Variants in TRAPPC8 observed in about 807,000 individuals in gnomAD.
TRAPPC8 encodes the protein general sporulation gene 1 homolog.
TRAPPC8 carries 54 observed loss-of-function variants against 174.3 expected under a neutral mutation model. The ratio of observed to expected loss-of-function variants is 0.31; its 90% confidence interval spans 0.25 to 0.39. TRAPPC8 has a LOEUF of 0.39. Ranked by LOEUF, TRAPPC8 falls within the 10% of genes least tolerant of loss-of-function variation. The pLI is 1.00. For missense variants in TRAPPC8, 1,531 were observed against 1,699.1 expected (o/e 0.90, Z 1.74); for synonymous variants, 630 against 579.9 (o/e 1.09, Z -1.24).
At chr18:31,877,872 G>A (rs1229811904) in intron 12 of TRAPPC8, among the ~76,000 whole-genome samples, 4 of 149,136 alleles carry the variant, frequency 2.7e-5, no homozygotes, top group African/African-American at 9.9e-5. Context: ...GCAGTGAGCC[G>A]AGATCGCACC....
chr18:31,870,458 G>T lies in TRAPPC8; in HGVS notation c.2302C>A (p.Leu768Ile). The change falls in exon 16 of 29, where the codon CTA becomes ATA. Residue 768 changes from leucine (L) to isoleucine (I), a missense_variant. Leu to Ile is a conservative substitution (Grantham distance 5). Coordinates refer to ENST00000283351, the MANE Select transcript of TRAPPC8 (RefSeq NM_014939.5). The stretch of plus-strand genomic sequence containing the variant: ...AATGACAAATCAGTCAACAAAAGTA[G>T]AACTTTCAAAGGGTTTCTAAAAGCC... ...EVAFRNPLKV[L>I]LLLTDLSLLW... The T allele has an allele frequency of 6.2e-7, 1 of 1,611,436 alleles. No individual in the cohort carries two copies.
chr18:31,911,387 G>A (rs904966561), intron 5 of TRAPPC8, among the ~76,000 whole-genome samples: 3 of 151,338 alleles, frequency 2.0e-5, no homozygotes, highest in Non-Finnish European at 4.4e-5. Flanking sequence ...GGAGGTGGAG[G>A]TTGCAGTGAG....
Position 31,908,750 on chromosome 18 carries a change from T to C in TRAPPC8, c.1122+4A>G, listed in dbSNP as rs1187223511. ...AAATACTAATCCAAAAAATCAAACC[T>C]TACCTGATCGTTTAATTGCCTAATT... On this transcript the variant is annotated splice_donor_region_variant and intron_variant, in intron 7 of 28. Coordinates refer to ENST00000283351, the MANE Select transcript of TRAPPC8 (RefSeq NM_014939.5). 6.3e-7 allele frequency: 1 copy of C among 1,583,850 alleles called. No homozygotes were observed. Among genetic ancestry groups the C allele is most frequent in the South Asian group, 1.2e-5 (1 of 86,114 alleles).
intron 19 of TRAPPC8, among the ~76,000 whole-genome samples, chr18:31,861,952 T>TG (rs2034350888): frequency 5.4e-5 from 2 of 37,096 alleles, no homozygotes; most frequent in Admixed American, 3.5e-4. Flanking sequence ...GGGGGGGCGG[T>TG]GGGGGAGGAG....
intron 2 of TRAPPC8, among the ~76,000 whole-genome samples, chr18:31,917,997 G>GT (rs2037222729): frequency 6.6e-6 from 1 of 151,980 alleles, no homozygotes; most frequent in African/African-American, 2.4e-5. Flanking sequence ...ATGGTGGCAC[G>GT]TGACTGTAAT....
intron 9 of TRAPPC8, among the ~76,000 whole-genome samples, chr18:31,902,920 G>A (rs1172765548): frequency 5.9e-5 from 9 of 152,030 alleles, no homozygotes; most frequent in African/African-American, 2.2e-4. Flanking sequence ...AAGGTGGCGG[G>A]CGCCTGTAGT....
chr18:31,867,635 CACA>C (rs1005945042), intron 16 of TRAPPC8, among the ~76,000 whole-genome samples, 159 bp from the exon 17 acceptor site: 12 of 152,030 alleles, frequency 7.9e-5, no homozygotes, highest in African/African-American at 2.9e-4. Flanking sequence ...TTTTTATTTC[CACA>C]ACTAGAGTAG....
rs114805298 is a variant in TRAPPC8 at position 31,899,674 on chromosome 18, C to T, written c.1490+1251G>A. Among the ~76,000 whole-genome samples, 853 of 152,256 alleles carry T rather than the reference C, an allele frequency of 5.6e-3. 5 individuals carry two copies. The highest frequency in any genetic ancestry group is 0.019 in the African/African-American group (800 of 41,542). The stretch of plus-strand genomic sequence containing the variant: ...ATAAAAATAATACATGGGCCTGGCG[C>T]GGTGGCTCGCACCTGTAATCCCAGG... On this transcript the variant is annotated intron_variant, in intron 10 of 28. Transcript: ENST00000283351.
intron 1 of TRAPPC8, among the ~76,000 whole-genome samples, chr18:31,933,599 C>A (rs983985886): frequency 2.6e-5 from 4 of 152,114 alleles, no homozygotes; most frequent in Non-Finnish European, 5.9e-5. Context: ...ACCTATTTCA[C>A]CTGCACCATG....
At chr18:31,873,649 TAA>T (rs2035003967) in intron 13 of TRAPPC8, 111 bp from the exon 14 acceptor site, 2 of 667,998 alleles carry the variant, frequency 3.0e-6, no homozygotes, top group African/African-American at 1.9e-5. Flanking sequence ...GCAAGAATAT[TAA>T]GATATGTAAT....
intron 1 of TRAPPC8, among the ~76,000 whole-genome samples, chr18:31,934,070 C>G (rs895522349): frequency 1.3e-5 from 2 of 152,006 alleles, no homozygotes; most frequent in African/African-American, 4.8e-5. Context: ...CGCCTGTATT[C>G]CCAGCTATTT....
intron 25 of TRAPPC8, among the ~76,000 whole-genome samples, chr18:31,847,804 C>T (rs1358346679): frequency 1.3e-5 from 2 of 152,136 alleles, no homozygotes; most frequent in Non-Finnish European, 2.9e-5. Flanking sequence ...CATTGAGCGA[C>T]AGTCACCCAT....
intron 3 of TRAPPC8, among the ~76,000 whole-genome samples, chr18:31,917,129 C>T (rs979526200): frequency 7.1e-6 from 1 of 139,962 alleles, no homozygotes; most frequent in African/African-American, 2.5e-5. Flanking sequence ...CGTCAGTAAC[C>T]GCATTAAGAA....
rs186953823 is a variant in TRAPPC8 at position 31,932,160 on chromosome 18, T to A, written c.158-637A>T. 1.1e-4 allele frequency among the ~76,000 whole-genome samples: 16 copies of A among 151,874 alleles called. No individual in the cohort carries two copies. The East Asian group carries it at 2.9e-3, about 28-fold the overall frequency. On this transcript the variant is annotated intron_variant, in intron 1 of 28. Coordinates refer to ENST00000283351, the MANE Select transcript of TRAPPC8 (RefSeq NM_014939.5). Reference sequence around the variant, plus strand: ...AAAAAAAAACTCTGGCCAGGCGCGGTGGCTCACGCCTATAATCACAGCACT... The same window carrying A: ...AAAAAAAAACTCTGGCCAGGCGCGGAGGCTCACGCCTATAATCACAGCACT...
chr18:31,909,129 T>C (rs1598722486), intron 6 of TRAPPC8, 119 bp from the exon 7 acceptor site: 1 of 957,416 alleles, frequency 1.0e-6, no homozygotes, highest in Non-Finnish European at 1.4e-6. Context: ...TCTTTCAGTA[T>C]AGGTAAATGT....
intron 15 of TRAPPC8, 80 bp downstream of exon 15, chr18:31,870,846 G>T: frequency 8.0e-7 from 1 of 1,247,846 alleles, no homozygotes. Context: ...CACCAATTAT[G>T]TGTGCCAAAC....
chr18:31,867,675 T>C (rs1336427517), intron 16 of TRAPPC8, among the ~76,000 whole-genome samples, 199 bp from the exon 17 acceptor site: 3 of 152,120 alleles, frequency 2.0e-5, no homozygotes, highest in Non-Finnish European at 4.4e-5. Context: ...GCACTCAATA[T>C]ATATTTTTTT....
intron 1 of TRAPPC8, among the ~76,000 whole-genome samples, chr18:31,935,372 A>AAAAAAAC (rs1358752592): frequency 6.7e-5 from 10 of 148,774 alleles, no homozygotes; most frequent in African/African-American, 2.5e-4. Context: ...ACCAAAAAAA[A>AAAAAAAC]AACAGGCTTT....
At chr18:31,908,531 G>T in intron 7 of TRAPPC8, 113 bp from the exon 8 acceptor site, 3 of 906,732 alleles carry the variant, frequency 3.3e-6, no homozygotes, top group Non-Finnish European at 4.7e-6. Context: ...TAATAAAACT[G>T]ATTTAAAGAA....
Sources: allele counts gnomAD v4.1 joint callset (sites outside exome capture counted in the v4.1 genomes callset), GRCh38; gene constraint gnomAD v4.1.1; transcripts MANE v1.5; gene names NCBI Gene and HGNC (gene_info 2026-07-23, HGNC 2026-07-21).